The following SCUBE1 variants were observed in gnomAD, a reference collection of about 807,000 sequenced individuals.
SCUBE1 encodes signal peptide, CUB and EGF-like domain-containing protein 1.
A neutral mutation model predicts 124.4 loss-of-function variants in SCUBE1; 59 were observed. The observed-to-expected ratio is 0.47, with a 90% CI of 0.38 to 0.59. SCUBE1 has a LOEUF of 0.59. Among genes scored for constraint, SCUBE1 ranks in the 20% least tolerant of loss-of-function variants. SCUBE1 has a pLI of 0.00. For synonymous variants in SCUBE1, 545 were observed against 550.9 expected, an observed-to-expected ratio of 0.99 and a Z score of 0.15; for missense variants, 1,150 against 1,371.2, an observed-to-expected ratio of 0.84 and a Z score of 2.55.
intron 4 of SCUBE1, among the ~76,000 whole-genome samples, chr22:43,267,102 T>A (rs1034459931): frequency 6.6e-6 from 1 of 152,218 alleles, no homozygotes; most frequent in African/African-American, 2.4e-5. Context: ...AGCACTCCTA[T>A]CTGCCCTTGC....
At chr22:43,219,046 T>C (rs1921965085) in intron 14 of SCUBE1, among the ~76,000 whole-genome samples, 1 of 152,250 alleles carries the variant, frequency 6.6e-6, no homozygotes, top group Non-Finnish European at 1.5e-5. Context: ...TAAGCTCTCA[T>C]TCAAATGGCA....
intron 7 of SCUBE1, among the ~76,000 whole-genome samples, chr22:43,237,309 A>G (rs1922809594): frequency 1.3e-5 from 2 of 152,206 alleles, no homozygotes; most frequent in Non-Finnish European, 2.9e-5. Context: ...TTTCTGGCCC[A>G]GACAGGGTGG....
At chr22:43,294,567 A>G (rs1030464171) in intron 3 of SCUBE1, among the ~76,000 whole-genome samples, 1 of 152,198 alleles carries the variant, frequency 6.6e-6, no homozygotes, top group African/African-American at 2.4e-5. Context: ...GTCCTCATGG[A>G]AAAGGGGAAC....
At chr22:43,269,150 G>A (rs978014747) in intron 4 of SCUBE1, among the ~76,000 whole-genome samples, 17 of 152,262 alleles carry the variant, frequency 1.1e-4, no homozygotes, top group South Asian at 8.3e-4. Flanking sequence ...CGGGGAAGAC[G>A]TGCCCCGGGC....
chr22:43,257,927 C>T (rs886496023), intron 6 of SCUBE1, among the ~76,000 whole-genome samples: 15 of 152,204 alleles, frequency 9.9e-5, no homozygotes, highest in Middle Eastern at 3.2e-3. Context: ...ACTTCCAGGA[C>T]GAGGACGTGC....
intron 3 of SCUBE1, among the ~76,000 whole-genome samples, chr22:43,311,113 T>C (rs997788423): frequency 6.6e-6 from 1 of 152,216 alleles, no homozygotes; most frequent in African/African-American, 2.4e-5. Flanking sequence ...TATGCAGCAA[T>C]AGTAACTGGA....
intron 7 of SCUBE1, among the ~76,000 whole-genome samples, chr22:43,233,961 A>G (rs1922657751): frequency 6.6e-6 from 1 of 151,802 alleles, no homozygotes; most frequent in Admixed American, 6.6e-5. Flanking sequence ...CAACCCAGAC[A>G]GCAGGCTCCC....
At chr22:43,209,472 T>C (rs1057162912) in intron 19 of SCUBE1, among the ~76,000 whole-genome samples, 1 of 152,202 alleles carries the variant, frequency 6.6e-6, no homozygotes, top group Admixed American at 6.5e-5. Context: ...TCACACCCAC[T>C]GCTGAGTCCA....
intron 6 of SCUBE1, among the ~76,000 whole-genome samples, chr22:43,241,004 G>A (rs943936832): frequency 4.6e-5 from 7 of 152,150 alleles, no homozygotes; most frequent in African/African-American, 4.8e-5. Context: ...TGAGGGCACC[G>A]GGTCTCTGCG....
chr22:43,307,211 A>T (rs1012832985), intron 3 of SCUBE1, among the ~76,000 whole-genome samples: 1 of 152,208 alleles, frequency 6.6e-6, no homozygotes, highest in Non-Finnish European at 1.5e-5. Context: ...GGGCCATGTC[A>T]GAGGGAAGCC....
At chr22:43,217,728 G>C (rs934727111) in intron 15 of SCUBE1, among the ~76,000 whole-genome samples, 1 of 152,154 alleles carries the variant, frequency 6.6e-6, no homozygotes, top group Non-Finnish European at 1.5e-5. Context: ...TGCTGGTTCT[G>C]CCTGTCCTGC....
At chr22:43,214,441 G>A (rs1379212753) in intron 15 of SCUBE1, among the ~76,000 whole-genome samples, 190 bp from the exon 16 acceptor site, 1 of 152,204 alleles carries the variant, frequency 6.6e-6, no homozygotes, top group African/African-American at 2.4e-5. Context: ...ATCTGTGAGG[G>A]CCATGAAGCC....
intron 2 of SCUBE1, among the ~76,000 whole-genome samples, chr22:43,328,485 G>T (rs1189466335): frequency 6.6e-6 from 1 of 152,206 alleles, no homozygotes; most frequent in Non-Finnish European, 1.5e-5. Context: ...CCAAGCTCAG[G>T]AGGACAATCA....
chr22:43,219,138 G>A (rs1005613814), intron 14 of SCUBE1, among the ~76,000 whole-genome samples: 1 of 152,178 alleles, frequency 6.6e-6, no homozygotes, highest in African/African-American at 2.4e-5. Context: ...CCTAATGCTG[G>A]GGGTGGGGCC....
chr22:43,232,032 G>A, intron 7 of SCUBE1, 157 bp from the exon 8 acceptor site: 1 of 776,560 alleles, frequency 1.3e-6, no homozygotes, highest in Non-Finnish European at 2.1e-6. Context: ...TGTGCAGAGG[G>A]GTGGGGGCCC....
intron 4 of SCUBE1, chr22:43,270,368 C>T (rs1924245624): frequency 6.6e-6 from 1 of 152,258 alleles, no homozygotes; most frequent in Admixed American, 6.5e-5. Flanking sequence ...GTGTTACGTC[C>T]ACTTAACAGC....
intron 4 of SCUBE1, among the ~76,000 whole-genome samples, chr22:43,270,958 T>C (rs969936392): frequency 1.3e-5 from 2 of 152,186 alleles, no homozygotes; most frequent in African/African-American, 4.8e-5. Context: ...CCAGCTGACT[T>C]GTCCTTCTTC....
chr22:43,248,350 A>G (rs1249819588), intron 6 of SCUBE1, among the ~76,000 whole-genome samples: 4 of 152,170 alleles, frequency 2.6e-5, no homozygotes, highest in Non-Finnish European at 4.4e-5. Context: ...TCAGCCTCCC[A>G]TCTGGGCCAG....
chr22:43,215,476 G>A (rs985897422), intron 15 of SCUBE1, among the ~76,000 whole-genome samples: 3 of 152,224 alleles, frequency 2.0e-5, no homozygotes, highest in Non-Finnish European at 4.4e-5. Context: ...GAAGTTTGAT[G>A]AGGAGGAGAA....
Sources: gnomAD v4.1 joint callset for allele counts (sites outside exome capture counted in the v4.1 genomes callset) on GRCh38, gnomAD v4.1.1 for gene constraint, MANE v1.5 for transcripts, NCBI Gene and HGNC (gene_info 2026-07-23, HGNC 2026-07-21) for gene names.